Variants in IL37 observed in about 807,000 individuals in gnomAD.
The protein encoded by IL37 is interleukin-37.
Under a neutral mutation model 15.4 loss-of-function variants are expected in IL37, and 15 were observed. The observed-to-expected ratio is 0.98, with a 90% CI of 0.65 to 1.50. The LOEUF is 1.50. Ranked by LOEUF, IL37 falls within the 40% of genes most tolerant of loss-of-function variation. The pLI is 0.00. For missense variants in IL37, 269 were observed against 261.7 expected, an observed-to-expected ratio of 1.03 and a Z score of -0.19; for synonymous variants, 98 against 97.4, an observed-to-expected ratio of 1.01 and a Z score of -0.03.
chr2:112,912,555 C>A (rs779522227), intron 1 of IL37, among the ~76,000 whole-genome samples: 4 of 152,164 alleles, frequency 2.6e-5, no homozygotes, highest in Non-Finnish European at 4.4e-5. Flanking sequence ...GCTATTGTAG[C>A]CTCGAAGCAG....
Position 112,913,870 on chromosome 2 carries a change from G to A in IL37, c.145+16G>A. Reference sequence around the variant, plus strand: ...GTTCACACAAGTAAGGCCTCGGGGTGAGGTGATGGGGGTGGCTGAGGTGCG... The same window carrying A: ...GTTCACACAAGTAAGGCCTCGGGGTAAGGTGATGGGGGTGGCTGAGGTGCG... On this transcript the variant is annotated intron_variant, in intron 3 of 5. Transcript: ENST00000263326. 6.2e-6 allele frequency: 10 copies of A among 1,609,268 alleles called. No individual in the cohort carries two copies. Among genetic ancestry groups the A allele is most frequent in the Non-Finnish European group, 8.5e-6 (10 of 1,175,630 alleles).
At chr2:112,915,703 A>G (rs1248117384) in intron 3 of IL37, among the ~76,000 whole-genome samples, 1 of 152,208 alleles carries the variant, frequency 6.6e-6, no homozygotes, top group African/African-American at 2.4e-5. Context: ...GGCAGGGCTG[A>G]TAACCATGGA....
chr2:112,917,495 C>T, intron 4 of IL37, 140 bp from the exon 5 acceptor site: 4 of 957,636 alleles, frequency 4.2e-6, no homozygotes, highest in Non-Finnish European at 6.3e-6. Flanking sequence ...GAAGAGGAGG[C>T]TTAAACCAGT....
chr2:112,918,313 G>GTCTC (rs113652399), intron 5 of IL37, among the ~76,000 whole-genome samples: 10,881 of 148,284 alleles, frequency 0.073, 511 homozygotes, highest in Non-Finnish European at 0.096. Context: ...TGACTCTTAC[G>GTCTC]TCTCTCTCTC....
Position 112,913,004 on chromosome 2 carries a change from A to G in IL37, c.-9A>G. ...CATTTTCTGTTGAGTAATAAACTCA[A>G]CGTTGAAAATGTCCTTTGTGGGGGA... On this transcript the variant is annotated 5_prime_UTR_variant, in exon 2 of 6. Transcript: ENST00000263326. 5.7e-6 allele frequency: 9 copies of G among 1,572,988 alleles called. No homozygotes were observed. Among genetic ancestry groups the G allele is most frequent in the Non-Finnish European group, 7.7e-6 (9 of 1,163,426 alleles).
At chr2:112,913,447 G>C (rs1255336935) in intron 2 of IL37, among the ~76,000 whole-genome samples, 2 of 152,172 alleles carry the variant, frequency 1.3e-5, no homozygotes, top group Non-Finnish European at 2.9e-5. Context: ...GCTCTCTAAG[G>C]CTGGGCTGAA....
chr2:112,917,672 C>T lies in IL37; in HGVS notation c.303C>T (p.Ala101=), dbSNP rs753648924. The change falls in exon 5 of 6, where the codon GCC becomes GCT. Residue 101 remains alanine (A), a synonymous_variant. Transcript: ENST00000263326. ...FFALASSLSS[A]SAEKGSPILL... is the part of the protein sequence containing the mutation. ...CATTAGCCTCATCCTTGAGCTCAGC[C>T]TCTGCGGAGAAAGGAAGTCCGATTC... 6.2e-7 allele frequency: 1 copy of T among 1,609,144 alleles called. No individual in the cohort carries two copies. Among genetic ancestry groups the T allele is most frequent in the Non-Finnish European group, 8.5e-7 (1 of 1,177,940 alleles).
chr2:112,917,176 C>G lies in IL37; in HGVS notation c.193C>G (p.Gln65Glu), dbSNP rs1683332475. 1.2e-6 allele frequency: 2 copies of G among 1,613,890 alleles called. No individual in the cohort carries two copies. Among genetic ancestry groups the G allele is most frequent in the African/African-American group, 1.3e-5 (1 of 74,894 alleles). The part of the protein sequence containing the change: ...LNPKKFSIHD[Q>E]DHKVLVLDSG... The stretch of plus-strand genomic sequence containing the variant: ...CCCGAAGAAATTCAGCATTCATGAC[C>G]AGGATCACAAAGTACTGGTCCTGGA... Residue 65 changes from glutamine (Q) to glutamate (E), a missense_variant, in exon 4 of 6, where the codon CAG (glutamine) becomes GAG (glutamate). By Grantham distance (29) the Gln-to-Glu change is conservative. Coordinates refer to ENST00000263326, the MANE Select transcript of IL37 (RefSeq NM_014439.4).
At chr2:112,915,287 A>C (rs1305079258) in intron 3 of IL37, 16 of 1,592,610 alleles carry the variant, frequency 1.0e-5, no homozygotes, top group Non-Finnish European at 1.4e-5. Flanking sequence ...GGTGCTAGAA[A>C]AGTAGCTTCT....
At chr2:112,917,062 T>C (rs540450778) in intron 3 of IL37, 67 bp from the exon 4 acceptor site, 1 of 1,581,942 alleles carries the variant, frequency 6.3e-7, no homozygotes, top group Admixed American at 1.7e-5. Flanking sequence ...CCCTTGGACG[T>C]GGGGAAGAAA....
rs193066410 is a variant in IL37 at position 112,917,829 on chromosome 2, G to T, written c.408+52G>T. 2,664 of 1,591,612 alleles carry T rather than the reference G, an allele frequency of 1.7e-3. 74 individuals are homozygous for T. In the Admixed American group the frequency reaches 0.038, roughly 23 times the overall value. On this transcript the variant is annotated intron_variant, in intron 5 of 5. Transcript: ENST00000263326. ...GCCTTTGGCTACCCCAAAGTAAAAG[G>T]CCAAGATCCTCAATGCCTCTCGCTT... is the stretch of plus-strand genomic sequence containing the variant.
At chr2:112,912,028 C>G (rs536823525) in intron 1 of IL37, among the ~76,000 whole-genome samples, 2 of 152,138 alleles carry the variant, frequency 1.3e-5, no homozygotes, top group Non-Finnish European at 2.9e-5. Context: ...GTCCTGAAGC[C>G]CTTCCTTGTC....
chr2:112,917,602 G>A, intron 4 of IL37, 33 bp from the exon 5 acceptor site: 1 of 1,533,066 alleles, frequency 6.5e-7, no homozygotes. Flanking sequence ...CCTGCTCTCA[G>A]AACCCACACA....
At chr2:112,914,571 G>A (rs1385626694) in intron 3 of IL37, among the ~76,000 whole-genome samples, 2 of 152,240 alleles carry the variant, frequency 1.3e-5, no homozygotes, top group Non-Finnish European at 2.9e-5. Flanking sequence ...ATGGGACCAG[G>A]TGTGTAAGGG....
rs1424746433 is a variant in IL37 at position 112,917,620 on chromosome 2, A to C, written c.266-15A>C. 6.4e-7 allele frequency: 1 copy of C among 1,552,406 alleles called. No homozygotes were observed. The stretch of plus-strand genomic sequence containing the variant: ...GCTCTCAGAACCCACACATGTTCTG[A>C]CTGTCTTTTTCCAGAGATCTTCTTT... On this transcript the variant is annotated splice_polypyrimidine_tract_variant and intron_variant, in intron 4 of 5. Coordinates refer to ENST00000263326, the MANE Select transcript of IL37 (RefSeq NM_014439.4).
intron 5 of IL37, 93 bp downstream of exon 5, chr2:112,917,870 T>C: frequency 7.4e-7 from 1 of 1,353,370 alleles, no homozygotes; most frequent in East Asian, 2.3e-5. Flanking sequence ...CAAATTCTTA[T>C]CTTGGCCAAT....
intron 5 of IL37, 144 bp from the exon 6 acceptor site, chr2:112,918,417 G>A: frequency 1.1e-6 from 1 of 874,668 alleles, no homozygotes; most frequent in East Asian, 2.5e-5. Flanking sequence ...CAGTACCAAG[G>A]CTGACACGTC....
intron 2 of IL37, 73 bp downstream of exon 2, chr2:112,913,167 C>A: frequency 3.0e-6 from 3 of 1,010,320 alleles, no homozygotes; most frequent in Non-Finnish European, 4.2e-6. Context: ...AGGTGCTGTG[C>A]ACAGACCCAG....
chr2:112,918,720 A>C lies in IL37; in HGVS notation c.568A>C (p.Thr190Pro). The change falls in exon 6 of 6, where the codon ACA becomes CCA. Residue 190 changes from threonine to proline, a missense_variant. Physicochemically the swap from Thr to Pro is conservative, Grantham distance 38. Transcript: ENST00000263326. ...CAATTGTAATGAGCCTGTTGGGGTG[A>C]CAGATAAATTTGAGAACAGGAAACA... ...SCNCNEPVGV[T>P]DKFENRKHIE... 1 of 1,614,138 alleles carries C rather than the reference A, an allele frequency of 6.2e-7. No individual in the cohort carries two copies. The highest frequency in any genetic ancestry group is 1.1e-5 in the South Asian group (1 of 91,078).
Sources: gnomAD v4.1 joint callset for allele counts (sites outside exome capture counted in the v4.1 genomes callset) on GRCh38, gnomAD v4.1.1 for gene constraint, MANE v1.5 for transcripts, NCBI Gene and HGNC (gene_info 2026-07-23, HGNC 2026-07-21) for gene names.